The following PPWD1 variants were observed in gnomAD, a reference collection of about 807,000 sequenced individuals.
PPWD1 encodes peptidylprolyl isomerase domain and WD repeat-containing protein 1.
Under a neutral mutation model 68.8 loss-of-function variants are expected in PPWD1, and 43 were observed. The observed-to-expected ratio is 0.62, with a 90% CI of 0.49 to 0.81. The LOEUF (loss-of-function observed/expected upper bound fraction) is 0.81, where lower values mean the gene tolerates loss of function less well. Among genes scored for constraint, PPWD1 ranks in the 30% least tolerant of loss-of-function variants. The pLI is 0.00. For synonymous variants in PPWD1, 232 were observed against 258.7 expected, an observed-to-expected ratio of 0.90 and a Z score of 0.99; for missense variants, 672 against 804.8, an observed-to-expected ratio of 0.83 and a Z score of 2.00.
At chr5:65,565,630 C>T (rs1444699071) in intron 1 of PPWD1, among the ~76,000 whole-genome samples, 7 of 151,558 alleles carry the variant, frequency 4.6e-5, no homozygotes, top group Admixed American at 1.3e-4. Context: ...GGTGAAACCC[C>T]GCCAGTCTCT....
intron 4 of PPWD1, among the ~76,000 whole-genome samples, chr5:65,570,565 AG>A (rs1227676456): frequency 1.3e-5 from 2 of 151,994 alleles, no homozygotes; most frequent in Non-Finnish European, 2.9e-5. Context: ...GACTCGCCTT[AG>A]TCTGCTTGGA....
intron 4 of PPWD1, chr5:65,570,259 A>T: frequency 4.3e-6 from 4 of 919,774 alleles, no homozygotes; most frequent in Non-Finnish European, 3.9e-6. Context: ...TTACTTAGTA[A>T]TATTACTGGA....
intron 7 of PPWD1, among the ~76,000 whole-genome samples, chr5:65,580,575 G>A (rs1384189090): frequency 6.6e-6 from 1 of 152,116 alleles, no homozygotes; most frequent in African/African-American, 2.4e-5. Context: ...GTGCAGTGAC[G>A]TGACTTCAGC....
At chr5:65,569,579 A>T in intron 2 of PPWD1, 53 bp from the exon 3 acceptor site, 1 of 1,494,514 alleles carries the variant, frequency 6.7e-7, no homozygotes, top group Non-Finnish European at 9.1e-7. Flanking sequence ...GGGAATACTA[A>T]GTGATTCATA....
intron 4 of PPWD1, chr5:65,570,458 CTTTGT>C: frequency 2.3e-6 from 1 of 442,054 alleles, no homozygotes; most frequent in Non-Finnish European, 3.0e-6. Flanking sequence ...AAGACTGATA[CTTTGT>C]TTTAAGCATG....
At position 65,569,777 on chromosome 5, in the gene PPWD1, AC is replaced by A. The variant is rs755275817; in HGVS notation, c.400+46del. The A allele has an allele frequency of 1.7e-5, 27 of 1,569,426 alleles. No homozygotes were observed. In the African/African-American group the frequency reaches 3.7e-4, roughly 22 times the overall value. The stretch of plus-strand genomic sequence containing the variant: ...TTCTTGTAGCTCTTTCCTAAACTAT[AC>A]TAATTAAAGTTTAAATTTTTTAAAT... On this transcript the variant is annotated intron_variant, in intron 3 of 10. Coordinates refer to ENST00000261308, the MANE Select transcript of PPWD1 (RefSeq NM_015342.4).
chr5:65,584,936 T>C (rs1023201525), intron 8 of PPWD1, 78 bp from the exon 9 acceptor site: 6 of 1,523,702 alleles, frequency 3.9e-6, no homozygotes, highest in South Asian at 1.3e-5. Context: ...GGAAACATCA[T>C]TAGGAAGCAG....
chr5:65,585,013 G>A lies in PPWD1; in HGVS notation c.1533-1G>A, dbSNP rs1445198797. The A allele has an allele frequency of 6.8e-6, 11 of 1,609,638 alleles. No individual in the cohort carries two copies. Among genetic ancestry groups the A allele is most frequent in the Non-Finnish European group, 9.3e-6 (11 of 1,176,932 alleles). On this transcript the variant is annotated splice_acceptor_variant, in intron 8 of 10. Transcript: ENST00000261308. LOFTEE classifies it high-confidence loss of function. Reference sequence around the variant, plus strand: ...CATATTTGTAACATATGTCTTAATAGGTGCCCTAAGACAGTGGAAAACTTC... The same window carrying A: ...CATATTTGTAACATATGTCTTAATAAGTGCCCTAAGACAGTGGAAAACTTC...
At chr5:65,578,798 ATATATATGTGTATATATATACT>A in intron 6 of PPWD1, among the ~76,000 whole-genome samples, 1 of 92,626 alleles carries the variant, frequency 1.1e-5, no homozygotes. Flanking sequence ...ATATATATAC[ATATATATGTGTATATATATACT>A]TTTTTTTAAA....
In PPWD1 at chr5:65,569,994, C is replaced by T. The variant is rs542274062; in HGVS notation, c.517C>T (p.Leu173Phe). The T allele has an allele frequency of 5.6e-6, 9 of 1,609,596 alleles. No homozygotes were observed. The South Asian group carries it at 9.9e-5, about 18-fold the overall frequency. Residue 173 changes from leucine to phenylalanine, a missense_variant, in exon 4 of 11, where the codon CTT (leucine) becomes TTT (phenylalanine). Coordinates refer to ENST00000261308, the MANE Select transcript of PPWD1 (RefSeq NM_015342.4). The stretch of plus-strand genomic sequence containing the variant: ...CTTTGACATGATCAACATGCTGAAA[C>T]TTGGGTGAGTCTTTTTAAAAGTATA... ...VNFDMINMLKLGYFPGQCEWI... is the reference protein window; with the variant it reads ...VNFDMINMLKFGYFPGQCEWI...
intron 4 of PPWD1, chr5:65,570,334 T>G (rs1752958683): frequency 2.3e-6 from 2 of 881,550 alleles, no homozygotes; most frequent in African/African-American, 3.6e-5. Flanking sequence ...TTCAGTAATA[T>G]AGAATTGAGT....
chr5:65,583,343 T>C, intron 8 of PPWD1, 124 bp downstream of exon 8: 1 of 1,118,650 alleles, frequency 8.9e-7, no homozygotes, highest in East Asian at 2.6e-5. Context: ...AAACGTTTGA[T>C]AAAAAACATC....
chr5:65,570,126 T>C (rs1561723390), intron 4 of PPWD1, 128 bp downstream of exon 4: 14 of 1,222,836 alleles, frequency 1.1e-5, no homozygotes, highest in Non-Finnish European at 1.5e-5. Context: ...CTGTTGGGTT[T>C]TGCTTGGAAA....
At chr5:65,568,277 G>C (rs1752864308) in intron 2 of PPWD1, among the ~76,000 whole-genome samples, 1 of 152,086 alleles carries the variant, frequency 6.6e-6, no homozygotes, top group Non-Finnish European at 1.5e-5. Context: ...GTATGTCCCA[G>C]GTACTATGCT....
chr5:65,569,360 A>G (rs1335717210), intron 2 of PPWD1: 4 of 287,516 alleles, frequency 1.4e-5, no homozygotes, highest in Non-Finnish European at 2.6e-5. Flanking sequence ...AGTGATTCCT[A>G]GTGAGATTTT....
chr5:65,567,539 G>C lies in PPWD1; in HGVS notation c.223G>C (p.Asp75His). 2 of 1,610,492 alleles carry C rather than the reference G, an allele frequency of 1.2e-6. No individual in the cohort carries two copies. The highest frequency in any genetic ancestry group is 1.7e-6 in the Non-Finnish European group (2 of 1,177,964). ...CTTAGAGTTTGAAAGAGTCTATCTT[G>C]ATAATCTCCCCAGTGCATCCATGTA... The part of the protein sequence containing the change: ...KVLEFERVYL[D>H]NLPSASMYER... The change falls in exon 2 of 11, where the codon GAT becomes CAT. Residue 75 changes from aspartate to histidine, a missense_variant. Asp to His is a moderately conservative substitution (Grantham distance 81). Transcript: ENST00000261308.
At chr5:65,563,683 G>C in intron 1 of PPWD1, 177 bp downstream of exon 1, 6 of 1,345,750 alleles carry the variant, frequency 4.5e-6, no homozygotes. Context: ...TGATTTAAGC[G>C]TAGTACAACG....
intron 5 of PPWD1, among the ~76,000 whole-genome samples, chr5:65,573,188 AT>A (rs34288822): frequency 0.62 from 94,016 of 151,586 alleles, 29,408 homozygotes; most frequent in South Asian, 0.65. Flanking sequence ...CCCTCCTCAT[AT>A]TCCTCCATTA....
At chr5:65,582,394 A>C (rs1049140432) in intron 7 of PPWD1, among the ~76,000 whole-genome samples, 8 of 152,174 alleles carry the variant, frequency 5.3e-5, no homozygotes, top group African/African-American at 1.9e-4. Flanking sequence ...GGGACTGTGA[A>C]AAAAAATTAA....
Sources: gnomAD v4.1 joint callset for allele counts (sites outside exome capture counted in the v4.1 genomes callset) on GRCh38, gnomAD v4.1.1 for gene constraint, MANE v1.5 for transcripts, NCBI Gene and HGNC (gene_info 2026-07-23, HGNC 2026-07-21) for gene names.